Variants in TRPS1 observed in about 807,000 individuals in gnomAD.
The protein encoded by TRPS1 is transcriptional repressor GATA binding 1.
In TRPS1, 6 loss-of-function variants were observed where a neutral mutation model predicts 101.2. That is an observed-to-expected ratio of 0.06 (90% CI 0.03 to 0.12). The LOEUF is 0.12. Among genes scored for constraint, TRPS1 ranks in the 10% least tolerant of loss-of-function variants. The probability of loss-of-function intolerance (pLI) is 1.00; values close to 1 mark genes in which losing one functional copy is unlikely to be tolerated. For missense variants in TRPS1, 1,363 were observed against 1,567.0 expected, an observed-to-expected ratio of 0.87 and a Z score of 2.20; for synonymous variants, 578 against 589.8, an observed-to-expected ratio of 0.98 and a Z score of 0.29.
At chr8:115,549,092 A>G (rs896141567) in intron 5 of TRPS1, among the ~76,000 whole-genome samples, 1 of 152,244 alleles carries the variant, frequency 6.6e-6, no homozygotes, top group African/African-American at 2.4e-5. Flanking sequence ...AGAATATATA[A>G]TAGCTTTACA....
chr8:115,602,380 T>A (rs781678054), intron 4 of TRPS1, among the ~76,000 whole-genome samples: 5 of 152,210 alleles, frequency 3.3e-5, no homozygotes, highest in Non-Finnish European at 5.9e-5. Context: ...AAGCAGCTGA[T>A]GTCTGCGAGC....
intron 6 of TRPS1, among the ~76,000 whole-genome samples, chr8:115,415,661 GA>G (rs1235758038): frequency 6.6e-6 from 1 of 152,084 alleles, no homozygotes; most frequent in Non-Finnish European, 1.5e-5. Flanking sequence ...GGCCTTATGA[GA>G]AGAGGAAGAG....
At chr8:115,579,033 G>A (rs1411761999) in intron 5 of TRPS1, among the ~76,000 whole-genome samples, 1 of 152,004 alleles carries the variant, frequency 6.6e-6, no homozygotes, top group Admixed American at 6.6e-5. Context: ...TATAAGCAGT[G>A]TGATCTAGGC....
chr8:115,455,721 A>G (rs1813999057), intron 5 of TRPS1, among the ~76,000 whole-genome samples: 1 of 149,852 alleles, frequency 6.7e-6, no homozygotes, highest in South Asian at 2.1e-4. Context: ...CCAAAGACAG[A>G]ATTTTTTTTT....
At chr8:115,626,928 G>A (rs924975713) in intron 1 of TRPS1, among the ~76,000 whole-genome samples, 9 of 151,720 alleles carry the variant, frequency 5.9e-5, no homozygotes, top group Non-Finnish European at 1.3e-4. Context: ...AGTGTGGTAA[G>A]TAAGTAATAA....
chr8:115,420,585 T>C (rs1185287732), intron 5 of TRPS1, among the ~76,000 whole-genome samples: 1 of 152,198 alleles, frequency 6.6e-6, no homozygotes, highest in Non-Finnish European at 1.5e-5. Flanking sequence ...TGACACACCA[T>C]GCCAAAGTGG....
chr8:115,585,790 A>C (rs1817549118), intron 5 of TRPS1, among the ~76,000 whole-genome samples: 1 of 152,094 alleles, frequency 6.6e-6, no homozygotes, highest in African/African-American at 2.4e-5. Context: ...CTCTCTGTAC[A>C]GGGGGCATCT....
In TRPS1 at chr8:115,421,504, T is replaced by C. The variant is rs3779875; in HGVS notation, c.2701-3052A>G. On this transcript the variant is annotated intron_variant, in intron 5 of 6. Coordinates refer to ENST00000395715, the MANE Select transcript of TRPS1 (RefSeq NM_014112.5). ...CAATGTGTTTCTTTCATACCAATCTTATCAAATATGAGAATGGAAAGTTGA... is the reference window on the plus strand; with the variant it reads ...CAATGTGTTTCTTTCATACCAATCTCATCAAATATGAGAATGGAAAGTTGA... 4.2e-4 allele frequency among the ~76,000 whole-genome samples: 64 copies of C among 152,324 alleles called. 1 individual carries two copies. In the East Asian group the frequency reaches 0.011, roughly 27 times the overall value.
intron 5 of TRPS1, among the ~76,000 whole-genome samples, chr8:115,486,661 G>A (rs901688825): frequency 3.9e-5 from 6 of 152,132 alleles, no homozygotes; most frequent in Admixed American, 1.3e-4. Flanking sequence ...TTTAATGGTC[G>A]GGATTGAAGT....
At chr8:115,667,808 C>T in intron 1 of TRPS1, 1 of 1,532,068 alleles carries the variant, frequency 6.5e-7, no homozygotes, top group East Asian at 2.4e-5. Flanking sequence ...TGTTTTCCCA[C>T]TTTGGAGACC....
At chr8:115,498,451 A>ATATATATATAT in intron 5 of TRPS1, among the ~76,000 whole-genome samples, 1 of 97,434 alleles carries the variant, frequency 1.0e-5, no homozygotes, top group Non-Finnish European at 2.1e-5. Flanking sequence ...ATATATATAT[A>ATATATATATAT]GTTGATTCAG....
intron 5 of TRPS1, among the ~76,000 whole-genome samples, chr8:115,537,958 A>G (rs1333169334): frequency 2.6e-5 from 4 of 152,226 alleles, no homozygotes; most frequent in South Asian, 2.1e-4. Flanking sequence ...ACATCACTGT[A>G]AACTGCAGGG....
At position 115,413,239 on chromosome 8, in the gene TRPS1, C is replaced by T. The variant is rs1158370267; in HGVS notation, c.*784G>A. 3.3e-5 allele frequency: 5 copies of T among 152,170 alleles called. No individual in the cohort carries two copies. Among genetic ancestry groups the T allele is most frequent in the African/African-American group, 1.2e-4 (5 of 41,426 alleles). 9.4% of individuals were successfully genotyped at this position (152,170 alleles called of 1,614,324 possible). ...GAAATACCTGGCTAAAATGAAATCACTACAGAAGCATCGAGGACATTGTTT... is the reference window on the plus strand; with the variant it reads ...GAAATACCTGGCTAAAATGAAATCATTACAGAAGCATCGAGGACATTGTTT... On this transcript the variant is annotated 3_prime_UTR_variant, in exon 7 of 7. Transcript: ENST00000395715.
At chr8:115,581,749 T>C (rs1817457343) in intron 5 of TRPS1, among the ~76,000 whole-genome samples, 1 of 152,208 alleles carries the variant, frequency 6.6e-6, no homozygotes, top group Admixed American at 6.5e-5. Flanking sequence ...ACTTCACTTT[T>C]ACACGGTAAA....
chr8:115,498,346 C>A (rs1249103348), intron 5 of TRPS1, among the ~76,000 whole-genome samples: 1 of 144,932 alleles, frequency 6.9e-6, no homozygotes, highest in African/African-American at 2.5e-5. Context: ...CCACTGCACT[C>A]CAGCCTGGGC....
chr8:115,559,409 G>T (rs1816897123), intron 5 of TRPS1, among the ~76,000 whole-genome samples: 1 of 152,068 alleles, frequency 6.6e-6, no homozygotes, highest in Non-Finnish European at 1.5e-5. Flanking sequence ...CAATCTTAGG[G>T]TTATAATAAG....
intron 5 of TRPS1, among the ~76,000 whole-genome samples, chr8:115,485,952 A>T (rs938130905): frequency 6.6e-6 from 1 of 151,712 alleles, no homozygotes; most frequent in Non-Finnish European, 1.5e-5. Context: ...TTGAAGGAAA[A>T]CTCCATAAAA....
At position 115,647,706 on chromosome 8, in the gene TRPS1, CTAA is replaced by C. The variant is rs1294321830; in HGVS notation, c.-122+20836_-122+20838del. The stretch of plus-strand genomic sequence containing the variant: ...ACAAAGTACATGACTAACTTAAAGA[CTAA>C]TAATATTTTCATTAATAAAATCTAG... On this transcript the variant is annotated intron_variant, in intron 1 of 6. Coordinates refer to ENST00000395715, the MANE Select transcript of TRPS1 (RefSeq NM_014112.5). 3.3e-5 allele frequency among the ~76,000 whole-genome samples: 5 copies of C among 152,234 alleles called. No individual in the cohort carries two copies. The East Asian group carries it at 7.7e-4, about 24-fold the overall frequency.
intron 5 of TRPS1, among the ~76,000 whole-genome samples, chr8:115,459,393 T>C (rs987791474): frequency 3.9e-5 from 6 of 152,150 alleles, no homozygotes; most frequent in Non-Finnish European, 8.8e-5. Context: ...TAAAGACAGC[T>C]TGCAGTGCAC....
Sources: gnomAD v4.1 joint callset for allele counts (sites outside exome capture counted in the v4.1 genomes callset) on GRCh38, gnomAD v4.1.1 for gene constraint, MANE v1.5 for transcripts, NCBI Gene and HGNC (gene_info 2026-07-23, HGNC 2026-07-21) for gene names.